Variants in UAP1 observed in about 807,000 individuals in gnomAD.
The protein encoded by UAP1 is UDP-N-acetylhexosamine pyrophosphorylase.
UAP1 carries 25 observed loss-of-function variants against 58.5 expected under a neutral mutation model. The ratio of observed to expected loss-of-function variants is 0.43; its 90% CI spans 0.31 to 0.60. The LOEUF (loss-of-function observed/expected upper bound fraction) is 0.60. Ranked by LOEUF, UAP1 falls within the 20% of genes least tolerant of loss-of-function variation. The pLI is 0.11. For missense variants in UAP1, 575 were observed against 630.0 expected, an observed-to-expected ratio of 0.91 and a Z score of 0.93; for synonymous variants, 208 against 213.0, an observed-to-expected ratio of 0.98 and a Z score of 0.21.
chr1:162,577,983 G>C (rs1654314876), intron 3 of UAP1, among the ~76,000 whole-genome samples: 1 of 151,512 alleles, frequency 6.6e-6, no homozygotes, highest in Non-Finnish European at 1.5e-5. Flanking sequence ...TGCCCCCCTC[G>C]ACCTCCCAAA....
chr1:162,578,247 C>T (rs1360648679), intron 3 of UAP1, among the ~76,000 whole-genome samples: 1 of 152,154 alleles, frequency 6.6e-6, no homozygotes, highest in Admixed American at 6.5e-5. Context: ...TGTCCCCGAG[C>T]AGCAGCCTTT....
intron 4 of UAP1, 45 bp downstream of exon 4, chr1:162,579,648 C>G: frequency 7.3e-7 from 1 of 1,362,498 alleles, no homozygotes; most frequent in South Asian, 1.7e-5. Flanking sequence ...AGGATAACAA[C>G]ATAAATCATC....
At chr1:162,600,732 T>G (rs1655868136), downstream of UAP1, among the ~76,000 whole-genome samples, 1 of 152,110 alleles carries the variant, frequency 6.6e-6, no homozygotes, top group Non-Finnish European at 1.5e-5. Context: ...ATCATTCATT[T>G]AGCATATTTT....
chr1:162,585,784 TAAA>T (rs11297669), intron 5 of UAP1, among the ~76,000 whole-genome samples: 5 of 148,118 alleles, frequency 3.4e-5, no homozygotes, highest in Non-Finnish European at 3.0e-5. Context: ...CTGTGTGCGT[TAAA>T]AAAAAAAAAG....
intron 7 of UAP1, among the ~76,000 whole-genome samples, chr1:162,590,095 CGACTTAAGA>C (rs1309148505): frequency 6.6e-6 from 1 of 150,472 alleles, no homozygotes; most frequent in Non-Finnish European, 1.5e-5. Context: ...CTAATCTTTC[CGACTTAAGA>C]TGAACTGTTC....
chr1:162,564,178 A>G (rs1410735373), intron 1 of UAP1, among the ~76,000 whole-genome samples: 1 of 152,240 alleles, frequency 6.6e-6, no homozygotes, highest in Non-Finnish European at 1.5e-5. Flanking sequence ...TTTTAATACC[A>G]TAATGAACAT....
At chr1:162,562,699 G>T (rs929077338) in intron 1 of UAP1, among the ~76,000 whole-genome samples, 1 of 152,178 alleles carries the variant, frequency 6.6e-6, no homozygotes, top group Non-Finnish European at 1.5e-5. Flanking sequence ...CAAGGCAGTT[G>T]TCTATTCCTT....
At chr1:162,579,384 C>G (rs746362253) in intron 3 of UAP1, 44 bp from the exon 4 acceptor site, 1 of 1,334,980 alleles carries the variant, frequency 7.5e-7, no homozygotes, top group Admixed American at 2.8e-5. Context: ...TTGCCCTAGT[C>G]CACCTAGCAC....
chr1:162,580,567 C>T (rs559121865), intron 4 of UAP1, among the ~76,000 whole-genome samples: 1 of 152,186 alleles, frequency 6.6e-6, no homozygotes, highest in East Asian at 1.9e-4. Flanking sequence ...AGAATCTGTA[C>T]TTGGAGGAAA....
intron 2 of UAP1, among the ~76,000 whole-genome samples, chr1:162,566,844 C>G (rs1017576297): frequency 1.5e-4 from 23 of 152,166 alleles, no homozygotes; most frequent in African/African-American, 5.5e-4. Context: ...CCAGCATGGT[C>G]TTGAACTCCT....
chr1:162,594,313 A>G (rs1366302520), intron 9 of UAP1, among the ~76,000 whole-genome samples: 1 of 152,222 alleles, frequency 6.6e-6, no homozygotes, highest in Non-Finnish European at 1.5e-5. Flanking sequence ...GCAGTTCACG[A>G]TAGTGTTCAC....
intron 3 of UAP1, among the ~76,000 whole-genome samples, chr1:162,577,782 T>C (rs943270421): frequency 1.3e-5 from 2 of 151,974 alleles, no homozygotes; most frequent in South Asian, 2.1e-4. Flanking sequence ...TGGCTAATTT[T>C]TGTATTTTTA....
chr1:162,577,526 G>A (rs943237785), intron 3 of UAP1, among the ~76,000 whole-genome samples: 1 of 136,284 alleles, frequency 7.3e-6, no homozygotes, highest in African/African-American at 2.8e-5. Flanking sequence ...TTAGCTGACC[G>A]TCACCTTTGC....
chr1:162,565,418 G>A (rs1215555829), intron 1 of UAP1, among the ~76,000 whole-genome samples: 2 of 152,178 alleles, frequency 1.3e-5, no homozygotes, highest in African/African-American at 4.8e-5. Flanking sequence ...AGTTTTTAAT[G>A]AGTAGAGAAA....
At chr1:162,582,956 C>T (rs973674384) in intron 5 of UAP1, among the ~76,000 whole-genome samples, 1 of 149,480 alleles carries the variant, frequency 6.7e-6, no homozygotes, top group East Asian at 2.0e-4. Context: ...CTATCTGTTC[C>T]AATACTCTGT....
intron 2 of UAP1, among the ~76,000 whole-genome samples, chr1:162,567,526 G>A (rs561255972): frequency 1.3e-5 from 2 of 152,232 alleles, no homozygotes; most frequent in South Asian, 4.1e-4. Context: ...TGAAAGCTGT[G>A]TTTTTTATAA....
chr1:162,580,605 A>G (rs1276162732), intron 4 of UAP1, among the ~76,000 whole-genome samples: 1 of 152,234 alleles, frequency 6.6e-6, no homozygotes, highest in Non-Finnish European at 1.5e-5. Context: ...TAGTATTAAC[A>G]GTGGTGCTCT....
intron 2 of UAP1, among the ~76,000 whole-genome samples, chr1:162,570,243 G>A (rs1283812607): frequency 6.6e-6 from 1 of 151,920 alleles, no homozygotes; most frequent in Non-Finnish European, 1.5e-5. Flanking sequence ...ACCATACAGA[G>A]ATACTCACTA....
intron 7 of UAP1, among the ~76,000 whole-genome samples, chr1:162,589,224 A>AATT: frequency 8.4e-6 from 1 of 119,730 alleles, no homozygotes; most frequent in East Asian, 2.1e-4. Context: ...TATAATATTT[A>AATT]TATATTATAT....
Sources: gnomAD v4.1 joint callset for allele counts (sites outside exome capture counted in the v4.1 genomes callset) on GRCh38, gnomAD v4.1.1 for gene constraint, MANE v1.5 for transcripts, NCBI Gene and HGNC (gene_info 2026-07-23, HGNC 2026-07-21) for gene names.